Variants in LUZP2 observed in about 807,000 individuals in gnomAD.
LUZP2 encodes the protein leucine zipper protein 2.
Under a neutral mutation model 51.6 loss-of-function variants are expected in LUZP2, and 52 were observed. That is an observed-to-expected ratio of 1.01 (90% confidence interval 0.81 to 1.27). The LOEUF (loss-of-function observed/expected upper bound fraction) is 1.27. LUZP2 is among the 50% of genes most tolerant of loss of function. The pLI is 0.00. For missense variants in LUZP2, 436 were observed against 395.4 expected, an observed-to-expected ratio of 1.10 and a Z score of -0.87; for synonymous variants, 154 against 137.3, an observed-to-expected ratio of 1.12 and a Z score of -0.85.
chr11:25,079,574 AAC>A lies in LUZP2; in HGVS notation c.*918_*919del, dbSNP rs879548750. The A allele has an allele frequency of 1.3e-5, 2 of 152,162 alleles. No individual in the cohort carries two copies. Among genetic ancestry groups the A allele is most frequent in the Non-Finnish European group, 2.9e-5 (2 of 68,008 alleles). 9.4% of individuals were successfully genotyped at this position (152,162 alleles called of 1,614,324 possible). On this transcript the variant is annotated 3_prime_UTR_variant, in exon 12 of 12. Transcript: ENST00000336930. ...TTTTTGAAAACCAATGTGTTATTGA[AAC>A]AAATCAATGGCAGTGTTAATCCATA...
At chr11:24,911,893 A>G (rs1388290727) in intron 6 of LUZP2, among the ~76,000 whole-genome samples, 2 of 152,180 alleles carry the variant, frequency 1.3e-5, no homozygotes, top group Non-Finnish European at 2.9e-5. Context: ...GCAACTAGGT[A>G]GACTCAATCA....
intron 9 of LUZP2, among the ~76,000 whole-genome samples, chr11:25,038,263 G>C (rs1251706489): frequency 6.6e-6 from 1 of 151,954 alleles, no homozygotes. Flanking sequence ...CATTAGTAGA[G>C]CTTTGAGATT....
At chr11:24,876,256 T>C (rs1406240405) in intron 5 of LUZP2, among the ~76,000 whole-genome samples, 1 of 148,850 alleles carries the variant, frequency 6.7e-6, no homozygotes, top group Non-Finnish European at 1.5e-5. Context: ...CTTTAATCCA[T>C]CTTGAATTAA....
chr11:24,528,113 T>G (rs1028836863), intron 1 of LUZP2, among the ~76,000 whole-genome samples: 1 of 151,300 alleles, frequency 6.6e-6, no homozygotes, highest in African/African-American at 2.4e-5. Flanking sequence ...GAGTTCCCTT[T>G]TATAAAATTT....
intron 5 of LUZP2, among the ~76,000 whole-genome samples, chr11:24,846,244 A>C (rs1282792438): frequency 6.6e-6 from 1 of 152,084 alleles, no homozygotes; most frequent in Admixed American, 6.6e-5. Context: ...AGCTAAAATT[A>C]AGCTTAGAGG....
chr11:24,662,148 C>A (rs969260088), intron 1 of LUZP2, among the ~76,000 whole-genome samples: 1 of 151,872 alleles, frequency 6.6e-6, no homozygotes, highest in Non-Finnish European at 1.5e-5. Context: ...TGAGAAGCAT[C>A]AACATGATAA....
chr11:24,824,391 A>AAAAAAAAAAAAAAAAAAAAG (rs1850462820), intron 5 of LUZP2, among the ~76,000 whole-genome samples: 2 of 148,184 alleles, frequency 1.3e-5, no homozygotes, highest in Non-Finnish European at 3.0e-5. Context: ...AAAAAAAAAA[A>AAAAAAAAAAAAAAAAAAAAG]AATGAGTGGT....
chr11:24,632,297 G>A (rs75638969), intron 1 of LUZP2, among the ~76,000 whole-genome samples: 3,449 of 152,024 alleles, frequency 0.023, 141 homozygotes, highest in African/African-American at 0.079. Flanking sequence ...GCATTTGATA[G>A]CATTGTGAAA....
chr11:24,918,008 C>T (rs889164674), intron 7 of LUZP2, among the ~76,000 whole-genome samples: 38 of 152,074 alleles, frequency 2.5e-4, no homozygotes, highest in African/African-American at 7.7e-4. Context: ...TCTTTTATTT[C>T]GTTGAGCAGT....
At chr11:24,979,114 T>G (rs1424436954) in intron 8 of LUZP2, among the ~76,000 whole-genome samples, 2 of 151,702 alleles carry the variant, frequency 1.3e-5, no homozygotes, top group East Asian at 3.9e-4. Context: ...GATGAGAAAA[T>G]TACACGTAGC....
chr11:25,000,063 T>TGCTGATTGGTCCATTTTACAGA (rs1232285876), intron 9 of LUZP2, among the ~76,000 whole-genome samples: 2 of 152,126 alleles, frequency 1.3e-5, no homozygotes, highest in African/African-American at 2.4e-5. Context: ...TTTTACAGAG[T>TGCTGATTGGTCCATTTTACAGA]GCTGATTGGT....
At chr11:24,759,489 T>C (rs1219290563) in intron 4 of LUZP2, among the ~76,000 whole-genome samples, 1 of 152,168 alleles carries the variant, frequency 6.6e-6, no homozygotes, top group Non-Finnish European at 1.5e-5. Flanking sequence ...CTGTCCTTGT[T>C]TAACATTTAA....
chr11:24,976,274 A>T (rs1389472539), intron 7 of LUZP2, among the ~76,000 whole-genome samples: 2 of 151,958 alleles, frequency 1.3e-5, no homozygotes, highest in Non-Finnish European at 2.9e-5. Flanking sequence ...TCAACTAGAA[A>T]TATAAGTGAT....
At chr11:24,834,391 C>A (rs2134186337) in intron 5 of LUZP2, among the ~76,000 whole-genome samples, 2 of 152,280 alleles carry the variant, frequency 1.3e-5, no homozygotes. Context: ...TGATGGCTTC[C>A]AGCTCCATCC....
chr11:24,934,411 C>A (rs1482572484), intron 7 of LUZP2, among the ~76,000 whole-genome samples: 1 of 152,110 alleles, frequency 6.6e-6, no homozygotes, highest in Non-Finnish European at 1.5e-5. Flanking sequence ...CACACTTGTT[C>A]CAAGTTTCTA....
chr11:24,832,740 AAG>A (rs1850738368), intron 5 of LUZP2, among the ~76,000 whole-genome samples: 1 of 152,036 alleles, frequency 6.6e-6, no homozygotes, highest in Non-Finnish European at 1.5e-5. Flanking sequence ...TAAGTTCTAA[AAG>A]AGAAGTTTTC....
intron 5 of LUZP2, among the ~76,000 whole-genome samples, chr11:24,836,612 T>A (rs1850866319): frequency 6.6e-6 from 1 of 151,818 alleles, no homozygotes; most frequent in South Asian, 2.1e-4. Context: ...CTGCATAACT[T>A]GAACCTTATC....
intron 10 of LUZP2, among the ~76,000 whole-genome samples, chr11:25,071,081 T>C (rs895116994): frequency 6.6e-6 from 1 of 151,104 alleles, no homozygotes; most frequent in African/African-American, 2.4e-5. Context: ...CAATTAACAA[T>C]GACCATGTCA....
At chr11:24,659,410 G>A (rs1855935635) in intron 1 of LUZP2, among the ~76,000 whole-genome samples, 1 of 152,050 alleles carries the variant, frequency 6.6e-6, no homozygotes, top group Admixed American at 6.6e-5. Flanking sequence ...TCACACACCA[G>A]GGTCTGTTGT....
Sources: allele counts gnomAD v4.1 joint callset (sites outside exome capture counted in the v4.1 genomes callset), GRCh38; gene constraint gnomAD v4.1.1; transcripts MANE v1.5; gene names NCBI Gene and HGNC (gene_info 2026-07-23, HGNC 2026-07-21).